Variants in MOBP observed in about 807,000 individuals in gnomAD.
The protein encoded by MOBP is myelin associated oligodendrocyte basic protein, also known as myelin-associated oligodendrocyte basic protein.
In MOBP, 5 loss-of-function variants were observed where a neutral mutation model predicts 15.0. That is an observed-to-expected ratio of 0.33 (90% CI 0.17 to 0.70). MOBP has a LOEUF of 0.70. Among genes scored for constraint, MOBP ranks in the 30% least tolerant of loss-of-function variants. The probability of loss-of-function intolerance (pLI) is 0.67; values close to 1 mark genes in which losing one functional copy is unlikely to be tolerated. For missense variants in MOBP, 188 were observed against 257.8 expected (o/e 0.73, Z 1.85); for synonymous variants, 88 against 99.0 (o/e 0.89, Z 0.66).
intron 1 of MOBP, among the ~76,000 whole-genome samples, chr3:39,475,473 T>A (rs1358391079): frequency 6.6e-6 from 1 of 152,222 alleles, no homozygotes; most frequent in Non-Finnish European, 1.5e-5. Context: ...TAGTCAATGA[T>A]GCTTGCAGAA....
At chr3:39,509,050 A>T (rs1300850521) in intron 4 of MOBP, among the ~76,000 whole-genome samples, 1 of 150,634 alleles carries the variant, frequency 6.6e-6, no homozygotes, top group Non-Finnish European at 1.5e-5. Context: ...GTATGTGCAT[A>T]TATGTATATA....
intron 1 of MOBP, among the ~76,000 whole-genome samples, chr3:39,475,277 G>C (rs1221752091): frequency 6.6e-6 from 1 of 152,152 alleles, no homozygotes; most frequent in African/African-American, 2.4e-5. Flanking sequence ...AAACGAGGAT[G>C]ATCTGTCTTA....
intron 2 of MOBP, among the ~76,000 whole-genome samples, chr3:39,495,871 A>T (rs80169903): frequency 1.3e-5 from 2 of 152,000 alleles, no homozygotes; most frequent in African/African-American, 4.8e-5. Context: ...TTTTGAAAAA[A>T]AATGAAGTAG....
chr3:39,495,093 G>C (rs1021635664), intron 2 of MOBP, among the ~76,000 whole-genome samples: 2 of 152,120 alleles, frequency 1.3e-5, no homozygotes, highest in Admixed American at 6.6e-5. Flanking sequence ...ACTACAGTTT[G>C]TGCACATTTT....
intron 1 of MOBP, among the ~76,000 whole-genome samples, chr3:39,472,171 T>G (rs2042480728): frequency 6.6e-6 from 1 of 152,250 alleles, no homozygotes; most frequent in South Asian, 2.1e-4. Flanking sequence ...GCAGACTTCC[T>G]TTACTTTGAG....
intron 2 of MOBP, among the ~76,000 whole-genome samples, chr3:39,498,883 A>G (rs1186362034): frequency 1.3e-5 from 2 of 152,186 alleles, no homozygotes; most frequent in Non-Finnish European, 2.9e-5. Context: ...GCAGATGGGC[A>G]TACAGTGACC....
At chr3:39,504,017 T>C (rs887201701), downstream of MOBP, among the ~76,000 whole-genome samples, 7 of 152,166 alleles carry the variant, frequency 4.6e-5, no homozygotes, top group African/African-American at 1.7e-4. Flanking sequence ...CAATGAGCAA[T>C]GCTGACCTAA....
intron 2 of MOBP, among the ~76,000 whole-genome samples, chr3:39,481,846 C>T (rs192899722): frequency 6.6e-6 from 1 of 152,352 alleles, no homozygotes; most frequent in African/African-American, 2.4e-5. Flanking sequence ...AATCATTCTA[C>T]AAAGTTGAGC....
intron 3 of MOBP, among the ~76,000 whole-genome samples, chr3:39,522,067 A>G (rs1035596216): frequency 1.3e-5 from 2 of 152,210 alleles, no homozygotes; most frequent in African/African-American, 4.8e-5. Context: ...TTGCTTCTCC[A>G]TCACTGGGAG....
downstream of MOBP, among the ~76,000 whole-genome samples, chr3:39,508,027 C>T (rs953635492): frequency 1.4e-4 from 21 of 152,178 alleles, no homozygotes; most frequent in Admixed American, 1.2e-3. Flanking sequence ...TAACTGGCTT[C>T]ACCATGTTTG....
chr3:39,487,164 C>G (rs1231071563), intron 2 of MOBP, among the ~76,000 whole-genome samples: 1 of 151,654 alleles, frequency 6.6e-6, no homozygotes, highest in Non-Finnish European at 1.5e-5. Context: ...TGGTCTCGAA[C>G]TCCATCTTGG....
intron 2 of MOBP, among the ~76,000 whole-genome samples, chr3:39,482,839 C>T (rs991200835): frequency 3.9e-5 from 6 of 151,972 alleles, no homozygotes; most frequent in African/African-American, 7.3e-5. Flanking sequence ...TTGTTACAGC[C>T]GCACTGGCCT....
chr3:39,499,781 C>G (rs1397115191), intron 2 of MOBP: 1 of 322,962 alleles, frequency 3.1e-6, no homozygotes, highest in Non-Finnish European at 6.1e-6. Flanking sequence ...TTGCCTGTGT[C>G]CTGGCTCTAT....
intron 2 of MOBP, among the ~76,000 whole-genome samples, chr3:39,487,087 TG>T (rs950234801): frequency 1.3e-5 from 2 of 149,628 alleles, no homozygotes; most frequent in Non-Finnish European, 3.0e-5. Context: ...ACTATAGGCA[TG>T]TGACATCATG....
At position 39,468,826 on chromosome 3, in the gene MOBP, CAT is replaced by C. The variant is rs554024677; in HGVS notation, c.-89+1089_-89+1090del. On this transcript the variant is annotated intron_variant, in intron 1 of 3. Coordinates refer to ENST00000684792, the MANE Select transcript of MOBP (RefSeq NM_001393704.1). ...TACATATGTGTGTGTATACATATTA[CAT>C]ATGTGTGTATATATACATATATACA... Among the ~76,000 whole-genome samples the C allele has an allele frequency of 1.9e-5, 2 of 104,814 alleles. 1 individual carries two copies. Among genetic ancestry groups the C allele is most frequent in the African/African-American group, 1.2e-4 (2 of 16,444 alleles). The allele number at this position is 104,814 out of a possible 152,430, so 68.8% of individuals were successfully genotyped here.
At chr3:39,473,321 G>A (rs72869132) in intron 1 of MOBP, among the ~76,000 whole-genome samples, 2,686 of 152,328 alleles carry the variant, frequency 0.018, 77 homozygotes, top group African/African-American at 0.061. Context: ...CAGGAGGAGG[G>A]GGAACATGGG....
intron 3 of MOBP, among the ~76,000 whole-genome samples, chr3:39,521,084 G>T (rs2043260793): frequency 6.6e-6 from 1 of 152,034 alleles, no homozygotes; most frequent in South Asian, 2.1e-4. Flanking sequence ...GAGGAGCTGG[G>T]ATTATGGGTG....
At chr3:39,471,994 G>C (rs1470816111) in intron 1 of MOBP, among the ~76,000 whole-genome samples, 1 of 152,186 alleles carries the variant, frequency 6.6e-6, no homozygotes, top group Non-Finnish European at 1.5e-5. Flanking sequence ...AACTACTATA[G>C]AGAACCTTGT....
downstream of MOBP, among the ~76,000 whole-genome samples, chr3:39,519,855 A>C (rs2043244966): frequency 6.6e-6 from 1 of 151,444 alleles, no homozygotes; most frequent in African/African-American, 2.4e-5. Context: ...CAGCCTCCCC[A>C]TGCCCCTCCA....
Sources: gnomAD v4.1 joint callset for allele counts (sites outside exome capture counted in the v4.1 genomes callset) on GRCh38, gnomAD v4.1.1 for gene constraint, MANE v1.5 for transcripts, NCBI Gene and HGNC (gene_info 2026-07-23, HGNC 2026-07-21) for gene names.